Variants in VSNL1 observed in about 807,000 individuals in gnomAD.
VSNL1 encodes the protein visinin-like protein 1.
Under a neutral mutation model 20.4 loss-of-function variants are expected in VSNL1, and 6 were observed. The ratio of observed to expected loss-of-function variants is 0.29; its 90% CI spans 0.16 to 0.58. The LOEUF is 0.58. Among genes scored for constraint, VSNL1 ranks in the 20% least tolerant of loss-of-function variants. VSNL1 has a pLI of 0.90. For missense variants in VSNL1, 100 were observed against 234.5 expected, an observed-to-expected ratio of 0.43 and a Z score of 3.75; for synonymous variants, 93 against 86.4, an observed-to-expected ratio of 1.08 and a Z score of -0.42.
intron 1 of VSNL1, among the ~76,000 whole-genome samples, chr2:17,563,686 C>T (rs1472237987): frequency 2.0e-5 from 3 of 151,930 alleles, no homozygotes; most frequent in Non-Finnish European, 4.4e-5. Context: ...GCCGAGATCG[C>T]ACCACTGCAC....
At chr2:17,569,563 T>G (rs1664033151) in intron 1 of VSNL1, among the ~76,000 whole-genome samples, 1 of 152,086 alleles carries the variant, frequency 6.6e-6, no homozygotes, top group Non-Finnish European at 1.5e-5. Context: ...CATTCTAGCT[T>G]CATTATCTCT....
At position 17,656,659 on chromosome 2, in the gene VSNL1, C is replaced by T. The variant is rs1666238699; in HGVS notation, c.*1265C>T. The T allele has an allele frequency of 6.6e-6, 1 of 152,220 alleles. No homozygotes were observed. The highest frequency in any genetic ancestry group is 2.1e-4 in the South Asian group (1 of 4,834). 9.4% of individuals were successfully genotyped at this position (152,220 alleles called of 1,614,324 possible). A position where few individuals can be genotyped will look rare whatever the true frequency, so the allele number is the denominator to read the frequency against. On this transcript the variant is annotated 3_prime_UTR_variant, in exon 4 of 4. Transcript: ENST00000295156. Reference sequence around the variant, plus strand: ...GAGGCAGAAGAGATTCCATCAAAACCTCTAAAAGCAGGTTTGCATTTTCAG... The same window carrying T: ...GAGGCAGAAGAGATTCCATCAAAACTTCTAAAAGCAGGTTTGCATTTTCAG...
intron 2 of VSNL1, among the ~76,000 whole-genome samples, chr2:17,626,929 T>C (rs1179863456): frequency 6.6e-6 from 1 of 152,220 alleles, no homozygotes; most frequent in Non-Finnish European, 1.5e-5. Context: ...TGGGTGCAGC[T>C]TGTCTGCTGC....
At chr2:17,639,026 C>T (rs1252689432) in intron 2 of VSNL1, among the ~76,000 whole-genome samples, 1 of 152,154 alleles carries the variant, frequency 6.6e-6, no homozygotes, top group Non-Finnish European at 1.5e-5. Flanking sequence ...CTTGTTGCAT[C>T]TTGTGGCAAT....
rs1665717174 is a variant in VSNL1 at position 17,634,859 on chromosome 2, G to A, written c.163-14551G>A. On this transcript the variant is annotated intron_variant, in intron 2 of 3. Coordinates refer to ENST00000295156, the MANE Select transcript of VSNL1 (RefSeq NM_003385.5). This position sits in a 1 kb window ranked among gnomAD's most constrained non-coding sequence, Gnocchi z 4.3. ...CCCAGCCAGAGCCTCCTTGTCCCAT[G>A]GGTCCCGCTGCAGGGAGTTACTGCT... 6.6e-6 allele frequency among the ~76,000 whole-genome samples: 1 copy of A among 152,138 alleles called. No homozygotes were observed. The highest frequency in any genetic ancestry group is 2.1e-4 in the South Asian group (1 of 4,828).
intron 1 of VSNL1, among the ~76,000 whole-genome samples, chr2:17,564,724 C>A (rs895302098): frequency 6.6e-6 from 1 of 152,158 alleles, no homozygotes; most frequent in African/African-American, 2.4e-5. Context: ...TGAATGCCCA[C>A]ATGGTATAAT....
At chr2:17,648,586 G>T (rs1209765936) in intron 2 of VSNL1, among the ~76,000 whole-genome samples, 1 of 152,220 alleles carries the variant, frequency 6.6e-6, no homozygotes, top group Non-Finnish European at 1.5e-5. Context: ...GTTTTTGGTT[G>T]TATTTGGGGC....
At chr2:17,623,437 A>G (rs1045630412) in intron 2 of VSNL1, among the ~76,000 whole-genome samples, 8 of 152,048 alleles carry the variant, frequency 5.3e-5, no homozygotes, top group African/African-American at 1.7e-4. Flanking sequence ...TGGGAGACCA[A>G]TGTGGGCAGA....
intron 2 of VSNL1, among the ~76,000 whole-genome samples, chr2:17,617,026 C>T (rs1457227614): frequency 6.6e-6 from 1 of 152,334 alleles, no homozygotes; most frequent in East Asian, 1.9e-4. Flanking sequence ...GAGAAACAGC[C>T]ATCAACCTGA....
rs1354913462 is a variant in VSNL1 at position 17,655,108 on chromosome 2, G to A, written c.379-89G>A. The A allele has an allele frequency of 7.5e-7, 1 of 1,331,560 alleles. No individual in the cohort carries two copies. 82.5% of individuals were successfully genotyped at this position (1,331,560 alleles called of 1,614,324 possible). ...GGAAGCTGAGGCTTGGAGGATGGGT[G>A]GGATCCCGTCAGGTGAAAGGGAGGC... On this transcript the variant is annotated intron_variant, in intron 3 of 3. Coordinates refer to ENST00000295156, the MANE Select transcript of VSNL1 (RefSeq NM_003385.5). This position sits in a 1 kb window ranked among gnomAD's most constrained non-coding sequence, Gnocchi z 5.2.
chr2:17,617,225 G>A (rs1316679427), intron 2 of VSNL1, among the ~76,000 whole-genome samples: 3 of 152,198 alleles, frequency 2.0e-5, no homozygotes, highest in Non-Finnish European at 4.4e-5. Context: ...CCCAGGCGAG[G>A]TGGCTCATAC....
chr2:17,641,363 G>C (rs1186887404), intron 2 of VSNL1, among the ~76,000 whole-genome samples: 1 of 152,170 alleles, frequency 6.6e-6, no homozygotes, highest in African/African-American at 2.4e-5. Flanking sequence ...CACTTGCCTA[G>C]TTTCAAATTC....
intron 1 of VSNL1, among the ~76,000 whole-genome samples, chr2:17,581,524 AT>A (rs775285978): frequency 2.6e-5 from 4 of 152,248 alleles, no homozygotes; most frequent in Non-Finnish European, 5.9e-5. Context: ...GTTTTTAAAA[AT>A]GATTTTAAAC....
chr2:17,589,795 T>C (rs1664557613), intron 1 of VSNL1, among the ~76,000 whole-genome samples: 1 of 152,176 alleles, frequency 6.6e-6, no homozygotes, highest in Non-Finnish European at 1.5e-5. Flanking sequence ...CTAAAGGCAC[T>C]TGGGGGAGGT....
chr2:17,615,041 T>C (rs1665183251), intron 2 of VSNL1, among the ~76,000 whole-genome samples: 1 of 152,230 alleles, frequency 6.6e-6, no homozygotes, highest in African/African-American at 2.4e-5. Context: ...ATAAATATCT[T>C]CACCTTTCTT....
At chr2:17,580,433 C>T (rs1243412573) in intron 1 of VSNL1, among the ~76,000 whole-genome samples, 2 of 152,086 alleles carry the variant, frequency 1.3e-5, no homozygotes, top group East Asian at 3.9e-4. Flanking sequence ...AGCTAATATC[C>T]TCAGGAAGTT....
intron 2 of VSNL1, among the ~76,000 whole-genome samples, chr2:17,616,526 T>C (rs1262737965): frequency 3.3e-5 from 5 of 152,224 alleles, no homozygotes; most frequent in Non-Finnish European, 5.9e-5. Flanking sequence ...CACTGATGGA[T>C]GGCACAATGG....
intron 2 of VSNL1, among the ~76,000 whole-genome samples, chr2:17,648,345 G>A (rs748773544): frequency 1.3e-5 from 2 of 152,208 alleles, no homozygotes; most frequent in Admixed American, 1.3e-4. Flanking sequence ...AAGACGGACC[G>A]AGGGCTCCTC....
intron 2 of VSNL1, among the ~76,000 whole-genome samples, chr2:17,647,847 T>C (rs16983750): frequency 0.014 from 2,165 of 152,186 alleles, 33 homozygotes; most frequent in African/African-American, 0.034. Flanking sequence ...TCTGAGTCCA[T>C]AGCACCCAAG....
Sources: allele counts gnomAD v4.1 joint callset (sites outside exome capture counted in the v4.1 genomes callset), GRCh38; gene constraint gnomAD v4.1.1; non-coding constraint Gnocchi (gnomAD v3.1); transcripts MANE v1.5; gene names NCBI Gene and HGNC (gene_info 2026-07-23, HGNC 2026-07-21).